The following DSCAML1 variants were observed in gnomAD, a reference collection of about 807,000 sequenced individuals.
DSCAML1 encodes DS cell adhesion molecule like 1.
In DSCAML1, 38 loss-of-function variants were observed where a neutral mutation model predicts 200.5. The observed-to-expected ratio is 0.19, with a 90% CI of 0.15 to 0.25. The LOEUF (loss-of-function observed/expected upper bound fraction) is 0.25, where lower values mean the gene tolerates loss of function less well. Ranked by LOEUF, DSCAML1 falls within the 10% of genes least tolerant of loss-of-function variation. DSCAML1 has a pLI of 1.00. For synonymous variants in DSCAML1, 1,215 were observed against 1,165.0 expected, an observed-to-expected ratio of 1.04 and a Z score of -0.87; for missense variants, 2,223 against 2,858.8, an observed-to-expected ratio of 0.78 and a Z score of 5.07.
chr11:117,660,129 G>C (rs58519921), intron 3 of DSCAML1, among the ~76,000 whole-genome samples: 137 of 152,104 alleles, frequency 9.0e-4, no homozygotes, highest in Admixed American at 3.6e-3. Context: ...CCCAACACAG[G>C]CCATAGGAAA....
chr11:117,438,893 G>C lies in DSCAML1; in HGVS notation c.4235C>G (p.Ser1412Cys). Residue 1412 changes from serine (S) to cysteine (C), a missense_variant, in exon 24 of 33, where the codon TCC becomes TGC. Physicochemically the swap from Ser to Cys is moderately radical, Grantham distance 112. Transcript: ENST00000651296. Reference protein sequence around the residue: ...TWIPGDNGGSSIRGFVLQYSV... With the variant: ...TWIPGDNGGSCIRGFVLQYSV... Reference sequence around the variant, plus strand: ...TCCAGACCCCTCCTCACCTCGGATGGAGCTGCCCCCATTGTCACCTGGAAT... The same window carrying C: ...TCCAGACCCCTCCTCACCTCGGATGCAGCTGCCCCCATTGTCACCTGGAAT... 6.2e-7 allele frequency: 1 copy of C among 1,600,650 alleles called. No homozygotes were observed. Among genetic ancestry groups the C allele is most frequent in the Non-Finnish European group, 8.5e-7 (1 of 1,175,188 alleles).
intron 1 of DSCAML1, among the ~76,000 whole-genome samples, chr11:117,803,784 G>A (rs545916396): frequency 6.6e-6 from 1 of 152,312 alleles, no homozygotes; most frequent in East Asian, 1.9e-4. Context: ...AAGCCCCCTT[G>A]GAGAGATTTT....
chr11:117,482,792 T>C (rs924974893), intron 11 of DSCAML1, among the ~76,000 whole-genome samples: 6 of 152,184 alleles, frequency 3.9e-5, no homozygotes, highest in East Asian at 1.9e-4. Flanking sequence ...TTTTCCCTCC[T>C]CCCACATTCA....
intron 3 of DSCAML1, among the ~76,000 whole-genome samples, chr11:117,769,041 C>T (rs1431307228): frequency 7.8e-6 from 1 of 128,918 alleles, no homozygotes; most frequent in Admixed American, 1.0e-4. Context: ...ACCTGGGTGA[C>T]AGAGCAAGAT....
Position 117,517,048 on chromosome 11 carries a change from C to T in DSCAML1, c.1511-309G>A, listed in dbSNP as rs537864101. 3.3e-5 allele frequency among the ~76,000 whole-genome samples: 5 copies of T among 152,264 alleles called. No individual in the cohort carries two copies. The South Asian group carries it at 8.3e-4, about 25-fold the overall frequency. On this transcript the variant is annotated intron_variant, in intron 7 of 32. Coordinates refer to ENST00000651296, the MANE Select transcript of DSCAML1 (RefSeq NM_020693.4). ...GTGGGACAGGGATAGGACCAAACTG[C>T]AGCCCCACCAAGAAGTGACTGGGAT...
chr11:117,681,326 C>A (rs918377679), intron 3 of DSCAML1, among the ~76,000 whole-genome samples: 1 of 152,166 alleles, frequency 6.6e-6, no homozygotes, highest in African/African-American at 2.4e-5. Flanking sequence ...CCTGGGCCCA[C>A]AAACTCAAAA....
At chr11:117,797,292 G>A, upstream of DSCAML1, 5 of 1,322,674 alleles carry the variant, frequency 3.8e-6, no homozygotes, top group Non-Finnish European at 3.8e-6. Context: ...CGCTCTCCCC[G>A]CCCCCCCGCG....
At chr11:117,694,337 CA>C (rs943908794) in intron 3 of DSCAML1, among the ~76,000 whole-genome samples, 19 of 150,548 alleles carry the variant, frequency 1.3e-4, no homozygotes, top group African/African-American at 3.7e-4. Flanking sequence ...ACCTGGGAGG[CA>C]GAGGTTGCAG....
intron 3 of DSCAML1, among the ~76,000 whole-genome samples, chr11:117,656,334 G>A (rs1179801796): frequency 2.0e-5 from 3 of 152,192 alleles, no homozygotes; most frequent in Admixed American, 6.5e-5. Flanking sequence ...TGTCACGTTC[G>A]ACTAGGAACT....
chr11:117,657,026 G>A (rs2052749134), intron 3 of DSCAML1, among the ~76,000 whole-genome samples: 1 of 152,202 alleles, frequency 6.6e-6, no homozygotes, highest in African/African-American at 2.4e-5. Flanking sequence ...ACTGGTTACT[G>A]AAGGCTAGTA....
chr11:117,754,817 A>G (rs2054660049), intron 3 of DSCAML1, among the ~76,000 whole-genome samples: 1 of 151,974 alleles, frequency 6.6e-6, no homozygotes, highest in South Asian at 2.1e-4. Context: ...TGATCCCCTC[A>G]CCTACTTACG....
In DSCAML1 at chr11:117,780,304, G is replaced by GAAAGAAAGAAAGAGAA. The variant is rs71037499; in HGVS notation, c.364+188_364+189insTTCTCTTTCTTTCTTT. Among the ~76,000 whole-genome samples the GAAAGAAAGAAAGAGAA allele has an allele frequency of 3.4e-4, 33 of 98,426 alleles. No individual in the cohort carries two copies. Among genetic ancestry groups the GAAAGAAAGAAAGAGAA allele is most frequent in the Non-Finnish European group, 6.4e-4 (29 of 45,032 alleles). The allele number at this position is 98,426 out of a possible 152,430, so 64.6% of individuals were successfully genotyped here. On this transcript the variant is annotated intron_variant, in intron 2 of 32. Coordinates refer to ENST00000651296, the MANE Select transcript of DSCAML1 (RefSeq NM_020693.4). The surrounding 1 kb of genome is among the most constrained non-coding windows in gnomAD (Gnocchi z 4.8). Reference sequence around the variant, plus strand: ...AGAAAGAAAGAAAGAAAGAAAGAAAGAGAGAAAGGAGAAAGAAAGGTGTCT... The same window carrying GAAAGAAAGAAAGAGAA: ...AGAAAGAAAGAAAGAAAGAAAGAAAGAAAGAAAGAAAGAGAAAGAGAAAGGAGAAAGAAAGGTGTCT...
intron 16 of DSCAML1, among the ~76,000 whole-genome samples, chr11:117,468,353 C>T (rs77039976): frequency 0.017 from 2,584 of 151,950 alleles, 72 homozygotes; most frequent in African/African-American, 0.058. Context: ...TATTGACCAC[C>T]TGGTTCATTC....
intron 3 of DSCAML1, among the ~76,000 whole-genome samples, chr11:117,757,583 C>G (rs1430753049): frequency 6.1e-3 from 97 of 16,016 alleles, no homozygotes; most frequent in African/African-American, 9.5e-3. Context: ...TACACACACA[C>G]ACACACACAC....
intron 3 of DSCAML1, among the ~76,000 whole-genome samples, chr11:117,603,137 C>A (rs140155409): frequency 6.6e-6 from 1 of 152,168 alleles, no homozygotes; most frequent in Non-Finnish European, 1.5e-5. Context: ...CCAAACCAAT[C>A]AGAGACCAGT....
At chr11:117,797,219 G>A (rs772510333), upstream of DSCAML1, 34 of 1,488,286 alleles carry the variant, frequency 2.3e-5, no homozygotes, top group South Asian at 1.9e-4. Flanking sequence ...GCTCGGCTGC[G>A]GCGGCGGCTC....
chr11:117,500,265 T>C (rs1375429081), intron 11 of DSCAML1, among the ~76,000 whole-genome samples: 1 of 152,244 alleles, frequency 6.6e-6, no homozygotes, highest in Non-Finnish European at 1.5e-5. Context: ...TCTCAGATTC[T>C]TTCTGTATCA....
intron 8 of DSCAML1, among the ~76,000 whole-genome samples, chr11:117,512,814 C>T (rs79050234): frequency 0.011 from 1,697 of 151,236 alleles, 31 homozygotes; most frequent in African/African-American, 0.039. Flanking sequence ...CCTCCCCTTC[C>T]CCCCACTTCC....
intron 23 of DSCAML1, 62 bp downstream of exon 23, chr11:117,439,204 G>C (rs954887873): frequency 3.8e-6 from 6 of 1,586,460 alleles, no homozygotes; most frequent in Non-Finnish European, 5.2e-6. Context: ...TCGCATGATG[G>C]AATCCCTACC....
Sources: allele counts gnomAD v4.1 joint callset (sites outside exome capture counted in the v4.1 genomes callset), GRCh38; gene constraint gnomAD v4.1.1; non-coding constraint Gnocchi (gnomAD v3.1); transcripts MANE v1.5; gene names NCBI Gene and HGNC (gene_info 2026-07-23, HGNC 2026-07-21).